The following ANK2 variants were observed in gnomAD, a reference collection of about 807,000 sequenced individuals.
ANK2 encodes ankyrin 2.
Under a neutral mutation model 360.5 loss-of-function variants are expected in ANK2, and 83 were observed. That is an observed-to-expected ratio of 0.23 (90% CI 0.19 to 0.28). The LOEUF (loss-of-function observed/expected upper bound fraction) is 0.28. ANK2 is among the 10% of genes least tolerant of loss of function. The pLI, the probability that ANK2 is intolerant of heterozygous loss-of-function variation, is 1.00. For synonymous variants in ANK2, 1,740 were observed against 1,759.5 expected, an observed-to-expected ratio of 0.99 and a Z score of 0.28; for missense variants, 4,201 against 4,795.7, an observed-to-expected ratio of 0.88 and a Z score of 3.66.
chr4:112,936,761 A>G (rs748172092), intron 2 of ANK2, among the ~76,000 whole-genome samples: 1 of 152,010 alleles, frequency 6.6e-6, no homozygotes, highest in Admixed American at 6.6e-5. Context: ...AAACTACTAT[A>G]CCAATAAAGT....
rs1579074805 is a variant in ANK2, at chr4:112,824,184, C to CT, written c.-40+5920_-40+5921insT. On this transcript the variant is annotated intron_variant, in intron 1 of 30. Transcript: ENST00000503271. Reference sequence around the variant, plus strand: ...CTATCTATCTATCTATCTATCTATCCGTCTATCTAGAGGGAGACAGGGTCT... The same window carrying CT: ...CTATCTATCTATCTATCTATCTATCCTGTCTATCTAGAGGGAGACAGGGTCT... Among the ~76,000 whole-genome samples the CT allele has an allele frequency of 3.2e-5, 4 of 123,186 alleles. No homozygotes were observed. The East Asian group carries it at 1.2e-3, about 36-fold the overall frequency. The allele number at this position is 123,186 out of a possible 152,430, so 80.8% of individuals were successfully genotyped here.
At chr4:113,068,200 C>G (rs1347574983) in intron 1 of ANK2, among the ~76,000 whole-genome samples, 1 of 152,124 alleles carries the variant, frequency 6.6e-6, no homozygotes, top group East Asian at 1.9e-4. Flanking sequence ...GTTTTTCCTG[C>G]CCTTATGAGT....
intron 29 of ANK2, 105 bp downstream of exon 29, chr4:113,333,313 T>C: frequency 7.6e-7 from 1 of 1,323,634 alleles, no homozygotes; most frequent in Non-Finnish European, 1.1e-6. Context: ...TGTGTGTGTG[T>C]GTGTGTGTGT....
At chr4:112,968,472 T>C (rs2038199345) in intron 2 of ANK2, among the ~76,000 whole-genome samples, 1 of 152,210 alleles carries the variant, frequency 6.6e-6, no homozygotes, top group South Asian at 2.1e-4. Context: ...CTGGGCCAGA[T>C]TTTTTCTTCC....
At chr4:113,083,313 G>A (rs908346815) in intron 1 of ANK2, among the ~76,000 whole-genome samples, 2 of 152,054 alleles carry the variant, frequency 1.3e-5, no homozygotes, top group Admixed American at 1.3e-4. Flanking sequence ...CTGAGTAGCT[G>A]GGATTACAGG....
At chr4:112,830,633 T>C (rs967362242) in intron 1 of ANK2, among the ~76,000 whole-genome samples, 18 of 151,994 alleles carry the variant, frequency 1.2e-4, no homozygotes, top group African/African-American at 4.1e-4. Flanking sequence ...TTTTTGAGAC[T>C]GAGAGGTGAC....
At chr4:113,362,587 G>A (rs1329041373) in intron 39 of ANK2, among the ~76,000 whole-genome samples, 4 of 152,102 alleles carry the variant, frequency 2.6e-5, no homozygotes, top group Non-Finnish European at 5.9e-5. Context: ...TAGGACCTCA[G>A]GCAAACACTA....
chr4:113,014,241 T>C (rs187089640), intron 2 of ANK2, among the ~76,000 whole-genome samples: 11 of 152,328 alleles, frequency 7.2e-5, no homozygotes, highest in Non-Finnish European at 8.8e-5. Flanking sequence ...TCAATAAATA[T>C]CAAGCTGCTC....
In ANK2 at chr4:113,287,609, G is replaced by T; in HGVS notation, c.2084G>T (p.Gly695Val). ...TTGGTTCCATTCTTTCTGTAGAGTG[G>T]ACTCACATCCTTACACCTTGCAGCC... ...GANIHMSTKS[G>V]LTSLHLAAQE... The change falls in exon 19 of 46, where the codon GGA becomes GTA. Residue 695 changes from glycine to valine, a missense_variant. Gly to Val is a moderately radical substitution (Grantham distance 109). Around this residue, in one of 4 missense-constraint regions of ANK2, gnomAD observed 1,268 missense variants for 1,650.8 expected, o/e 0.77. Transcript: ENST00000357077. 6.2e-7 allele frequency: 1 copy of T among 1,605,290 alleles called. No individual in the cohort carries two copies. The highest frequency in any genetic ancestry group is 8.5e-7 in the Non-Finnish European group (1 of 1,172,184).
intron 45 of ANK2, among the ~76,000 whole-genome samples, chr4:113,377,327 T>TA (rs1355935047): frequency 3.9e-5 from 6 of 152,184 alleles, no homozygotes; most frequent in Admixed American, 1.3e-4. Context: ...AGAACAGCTA[T>TA]AGCATCACTA....
At chr4:112,954,529 G>A (rs1032325373) in intron 2 of ANK2, among the ~76,000 whole-genome samples, 1 of 152,124 alleles carries the variant, frequency 6.6e-6, no homozygotes, top group Admixed American at 6.6e-5. Flanking sequence ...TAGACAGATG[G>A]TGGCTTTTGG....
At chr4:113,254,790 T>C (rs2048400704) in intron 10 of ANK2, among the ~76,000 whole-genome samples, 1 of 152,180 alleles carries the variant, frequency 6.6e-6, no homozygotes, top group Admixed American at 6.5e-5. Context: ...CAGATACAAT[T>C]TCTGCTTTGT....
rs576311309 is a variant in ANK2, at chr4:112,928,809, G to T, written c.21+24295G>T. The stretch of plus-strand genomic sequence containing the variant: ...TCTTGAACTTTTAGCTCCCAGAATT[G>T]TAGAAAATACATTTCTTTTGTTTAA... On this transcript the variant is annotated intron_variant, in intron 2 of 30. Transcript: ENST00000503271. Among the ~76,000 whole-genome samples, 49 of 151,632 alleles carry T rather than the reference G, an allele frequency of 3.2e-4. 1 individual carries two copies. Among genetic ancestry groups the T allele is most frequent in the African/African-American group, 1.2e-3 (48 of 41,346 alleles).
chr4:112,832,599 G>A (rs1353164028), intron 1 of ANK2, among the ~76,000 whole-genome samples: 7 of 152,150 alleles, frequency 4.6e-5, no homozygotes, highest in Non-Finnish European at 8.8e-5. Context: ...AATTGTAAAT[G>A]CCTCATCCTG....
chr4:113,121,173 G>A (rs1376283705), intron 1 of ANK2, among the ~76,000 whole-genome samples: 1 of 152,114 alleles, frequency 6.6e-6, no homozygotes, highest in Non-Finnish European at 1.5e-5. Flanking sequence ...ACATCGTGCT[G>A]TTAACCATGA....
chr4:112,894,157 C>T, intron 1 of ANK2, among the ~76,000 whole-genome samples: 1 of 151,000 alleles, frequency 6.6e-6, no homozygotes, highest in East Asian at 1.9e-4. Flanking sequence ...CCCTAGTTGG[C>T]TTCTTTTAAA....
chr4:113,309,381 C>G (rs146665441), intron 23 of ANK2, among the ~76,000 whole-genome samples: 3 of 152,328 alleles, frequency 2.0e-5, no homozygotes, highest in Non-Finnish European at 4.4e-5. Flanking sequence ...TTAAGTAGCA[C>G]TGAACCTAGC....
At chr4:113,150,022 C>T (rs1366410187) in intron 1 of ANK2, among the ~76,000 whole-genome samples, 2 of 151,888 alleles carry the variant, frequency 1.3e-5, no homozygotes, top group African/African-American at 4.8e-5. Flanking sequence ...AATTCACTGG[C>T]TGCACGAGTG....
chr4:113,112,074 A>G (rs1052615347), intron 1 of ANK2, among the ~76,000 whole-genome samples: 1 of 152,184 alleles, frequency 6.6e-6, no homozygotes, highest in Admixed American at 6.6e-5. Context: ...AGATGGGGAC[A>G]ATAAGAAAGT....
Sources: gnomAD v4.1 joint callset for allele counts (sites outside exome capture counted in the v4.1 genomes callset) on GRCh38, gnomAD v4.1.1 for gene constraint, gnomAD v4.1.1 regional missense constraint, MANE v1.5 for transcripts, NCBI Gene and HGNC (gene_info 2026-07-23, HGNC 2026-07-21) for gene names.